The following RASA2 variants were observed in gnomAD, a reference collection of about 807,000 sequenced individuals.
The protein encoded by RASA2 is ras GTPase-activating protein 2.
Under a neutral mutation model 118.2 loss-of-function variants are expected in RASA2, and 155 were observed. The ratio of observed to expected loss-of-function variants is 1.31; its 90% confidence interval spans 1.15 to 1.50. The LOEUF is 1.50. Among genes scored for constraint, RASA2 ranks in the 40% most tolerant of loss-of-function variants. RASA2 has a pLI of 0.00. For synonymous variants in RASA2, 353 were observed against 349.1 expected (o/e 1.01, Z -0.12); for missense variants, 1,016 against 1,009.6 (o/e 1.01, Z -0.09).
intron 3 of RASA2, among the ~76,000 whole-genome samples, chr3:141,516,793 A>G (rs1434578465): frequency 6.7e-6 from 1 of 150,034 alleles, no homozygotes; most frequent in Non-Finnish European, 1.5e-5. Context: ...TTTTTTTTTG[A>G]CACAGAATCT....
intron 5 of RASA2, among the ~76,000 whole-genome samples, chr3:141,546,915 T>C (rs140941083): frequency 1.1e-4 from 16 of 152,322 alleles, no homozygotes; most frequent in African/African-American, 3.8e-4. Context: ...CTTCTGCATA[T>C]GGATATCTAT....
rs114805732 is a variant in RASA2 at position 141,497,381 on chromosome 3, A to G, written c.133+10165A>G. On this transcript the variant is annotated intron_variant, in intron 1 of 23. Coordinates refer to ENST00000286364, the MANE Select transcript of RASA2 (RefSeq NM_006506.5). ...AATGGTTTGATTTCCTATAGGGAGT[A>G]TATTTATATATTATATTATCAAAAG... Among the ~76,000 whole-genome samples, 636 of 151,914 alleles carry G rather than the reference A, an allele frequency of 4.2e-3. 3 individuals carry two copies. The highest frequency in any genetic ancestry group is 7.8e-3 in the Non-Finnish European group (531 of 67,944).
At chr3:141,536,892 C>T (rs2082334999) in intron 4 of RASA2, among the ~76,000 whole-genome samples, 1 of 151,852 alleles carries the variant, frequency 6.6e-6, no homozygotes, top group Non-Finnish European at 1.5e-5. Context: ...GGATTACAGG[C>T]ATGCGCTGCC....
At chr3:141,611,064 T>C (rs2083644279) in intron 23 of RASA2, among the ~76,000 whole-genome samples, 1 of 152,222 alleles carries the variant, frequency 6.6e-6, no homozygotes, top group Non-Finnish European at 1.5e-5. Flanking sequence ...ACTGTGCTTA[T>C]AGTACTTTAC....
intron 9 of RASA2, among the ~76,000 whole-genome samples, chr3:141,562,557 A>G (rs2082749144): frequency 1.8e-5 from 1 of 56,164 alleles, no homozygotes; most frequent in African/African-American, 7.3e-5. Flanking sequence ...TGGGAGCGGG[A>G]GCTTACAGTA....
At chr3:141,507,401 A>G (rs1023540121) in intron 1 of RASA2, among the ~76,000 whole-genome samples, 4 of 152,252 alleles carry the variant, frequency 2.6e-5, no homozygotes, top group East Asian at 1.9e-4. Flanking sequence ...GGCTGAAGAA[A>G]CAGACTCTAG....
intron 1 of RASA2, among the ~76,000 whole-genome samples, chr3:141,511,353 A>G (rs1039219973): frequency 6.6e-6 from 1 of 152,148 alleles, no homozygotes; most frequent in African/African-American, 2.4e-5. Flanking sequence ...TTAACACCAT[A>G]TACTGCAGAG....
chr3:141,531,794 T>G (rs1293121493), intron 4 of RASA2, among the ~76,000 whole-genome samples: 2 of 152,052 alleles, frequency 1.3e-5, no homozygotes, highest in Non-Finnish European at 2.9e-5. Flanking sequence ...GGAAGAGACA[T>G]ATAACACTTT....
At chr3:141,561,016 A>C (rs1239937616) in intron 9 of RASA2, among the ~76,000 whole-genome samples, 1 of 152,174 alleles carries the variant, frequency 6.6e-6, no homozygotes, top group Non-Finnish European at 1.5e-5. Flanking sequence ...AGTCCAAGGC[A>C]GATCTAAGAT....
At chr3:141,587,295 T>A (rs899972422) in intron 19 of RASA2, among the ~76,000 whole-genome samples, 1 of 152,234 alleles carries the variant, frequency 6.6e-6, no homozygotes, top group Non-Finnish European at 1.5e-5. Context: ...GTGGGCTATT[T>A]GTGTAAATGA....
In RASA2 at chr3:141,614,132, C is replaced by A. The variant is rs2083691833; in HGVS notation, c.*1819C>A. 1.4e-5 allele frequency: 2 copies of A among 147,372 alleles called. No homozygotes were observed. The highest frequency in any genetic ancestry group is 4.3e-4 in the South Asian group (2 of 4,660). The allele number at this position is 147,372 out of a possible 1,614,324, so 9.1% of individuals were successfully genotyped here. ...TCTTTAGTGGCTTTTTAGTCCTCTGCTTTTTTTTTTAAGGCAAAAGAAATA... is the reference window on the plus strand; with the variant it reads ...TCTTTAGTGGCTTTTTAGTCCTCTGATTTTTTTTTTAAGGCAAAAGAAATA... On this transcript the variant is annotated 3_prime_UTR_variant, in exon 24 of 24. Transcript: ENST00000286364.
intron 1 of RASA2, among the ~76,000 whole-genome samples, chr3:141,497,438 ATTAATC>A (rs1286288204): frequency 1.3e-5 from 2 of 152,084 alleles, no homozygotes; most frequent in African/African-American, 4.8e-5. Context: ...TTGATACAGT[ATTAATC>A]TTAAGCTGTG....
Position 141,558,923 on chromosome 3 carries a change from T to C in RASA2, c.722T>C (p.Phe241Ser). The C allele has an allele frequency of 6.2e-7, 1 of 1,608,090 alleles. No individual in the cohort carries two copies. The highest frequency in any genetic ancestry group is 8.5e-7 in the Non-Finnish European group (1 of 1,175,182). ...AGTAGTTACACCAGAAAGTCCCAGT[T>C]CCAGGTAGAAGAGGAGGACATTGAA... is the stretch of plus-strand genomic sequence containing the variant. The part of the protein sequence containing the change: ...RSSSYTRKSQ[F>S]QVEEEDIEKL... Residue 241 changes from phenylalanine (F) to serine (S), a missense_variant, in exon 8 of 24, where the codon TTC becomes TCC. Transcript: ENST00000286364.
rs2083680710 is a variant in RASA2, at chr3:141,613,347, C to G, written c.*1034C>G. The G allele has an allele frequency of 6.6e-6, 1 of 152,116 alleles. No homozygotes were observed. Among genetic ancestry groups the G allele is most frequent in the Non-Finnish European group, 1.5e-5 (1 of 68,016 alleles). The allele number at this position is 152,116 out of a possible 1,614,324, so 9.4% of individuals were successfully genotyped here. On this transcript the variant is annotated 3_prime_UTR_variant, in exon 24 of 24. Coordinates refer to ENST00000286364, the MANE Select transcript of RASA2 (RefSeq NM_006506.5). ...GTTTAAGTCTAAAAATAATGCTTTC[C>G]TGAAAATGTTTATATTTCATTGCTG...
chr3:141,566,704 A>T (rs1407965124), intron 9 of RASA2, among the ~76,000 whole-genome samples: 1 of 152,178 alleles, frequency 6.6e-6, no homozygotes. Flanking sequence ...CTGAAACAAG[A>T]TCAGTCTTTT....
At chr3:141,582,785 A>C (rs2083135984) in intron 17 of RASA2, among the ~76,000 whole-genome samples, 1 of 152,238 alleles carries the variant, frequency 6.6e-6, no homozygotes, top group Non-Finnish European at 1.5e-5. Context: ...TGTGAAGCTC[A>C]ATTTCTCATT....
At chr3:141,558,558 A>G (rs2082683033) in intron 7 of RASA2, among the ~76,000 whole-genome samples, 1 of 152,152 alleles carries the variant, frequency 6.6e-6, no homozygotes. Context: ...GTGGGTGGTG[A>G]GGAAGTACAA....
intron 19 of RASA2, chr3:141,600,596 G>T: frequency 4.8e-6 from 1 of 206,192 alleles, no homozygotes; most frequent in South Asian, 8.1e-5. Context: ...GCAGGGCAGA[G>T]GGCAAAGAGA....
intron 5 of RASA2, among the ~76,000 whole-genome samples, chr3:141,544,287 C>T (rs2082451772): frequency 6.6e-6 from 1 of 152,146 alleles, no homozygotes; most frequent in Admixed American, 6.5e-5. Context: ...ATATTTATGT[C>T]TTTTGCCAGA....
Sources: allele counts gnomAD v4.1 joint callset (sites outside exome capture counted in the v4.1 genomes callset), GRCh38; gene constraint gnomAD v4.1.1; transcripts MANE v1.5; gene names NCBI Gene and HGNC (gene_info 2026-07-23, HGNC 2026-07-21).